DDHD1: variants seen among roughly 807,000 people sequenced by gnomAD.
DDHD1 encodes the protein DDHD domain containing 1, also known as phospholipase DDHD1.
Under a neutral mutation model 96.4 loss-of-function variants are expected in DDHD1, and 49 were observed. That is an observed-to-expected ratio of 0.51 (90% CI 0.40 to 0.64). The LOEUF is 0.64. DDHD1 is among the 30% of genes least tolerant of loss of function. The probability of loss-of-function intolerance (pLI) is 0.00; values close to 1 mark genes in which losing one functional copy is unlikely to be tolerated. For missense variants in DDHD1, 1,106 were observed against 1,161.2 expected, an observed-to-expected ratio of 0.95 and a Z score of 0.69; for synonymous variants, 442 against 446.5, an observed-to-expected ratio of 0.99 and a Z score of 0.13.
At chr14:53,062,442 A>G (rs1188661058) in intron 7 of DDHD1, among the ~76,000 whole-genome samples, 3 of 152,094 alleles carry the variant, frequency 2.0e-5, no homozygotes, top group African/African-American at 2.4e-5. Context: ...TAGTATCAGG[A>G]GGGCCACAAA....
In DDHD1 at chr14:53,152,892, C is replaced by T. The variant is rs765219718; in HGVS notation, c.207G>A (p.Pro69=). 6.2e-7 allele frequency: 1 copy of T among 1,609,016 alleles called. No individual in the cohort carries two copies. Among genetic ancestry groups the T allele is most frequent in the South Asian group, 1.1e-5 (1 of 90,610 alleles). ...GGTGGTGGTTGTGGTCGTCGGTGCC[C>T]GGCGCCAAATGCAGCCCGGGTTCCC... ...LRGEPGLHLA[P]GTDDHNHHLA... The change falls in exon 1 of 13, where the codon CCG becomes CCA. Residue 69 remains proline, a synonymous_variant. Transcript: ENST00000673822.
intron 2 of DDHD1, 104 bp downstream of exon 2, chr14:53,103,579 T>C (rs1277012499): frequency 5.1e-6 from 5 of 975,710 alleles, no homozygotes; most frequent in African/African-American, 5.1e-5. Flanking sequence ...AATTTTCTAA[T>C]TCTAAACCTC....
At chr14:53,133,909 G>A (rs1890050115) in intron 1 of DDHD1, among the ~76,000 whole-genome samples, 2 of 152,066 alleles carry the variant, frequency 1.3e-5, no homozygotes, top group Non-Finnish European at 1.5e-5. Context: ...GTCATCTATA[G>A]TACCCCAACT....
rs185351303 is a variant in DDHD1 at position 53,095,235 on chromosome 14, T to C, written c.1013-1791A>G. Among the ~76,000 whole-genome samples the C allele has an allele frequency of 1.1e-3, 165 of 152,304 alleles. 3 individuals are homozygous for C. In the East Asian group the frequency reaches 0.015, roughly 14 times the overall value. ...TCAAATCACTATGCTTGATTTATTT[T>C]CTTAAAATTCTTTCAAGGCAAAATA... On this transcript the variant is annotated intron_variant, in intron 2 of 12. Transcript: ENST00000673822.
chr14:53,133,538 T>C (rs569073721), intron 1 of DDHD1, among the ~76,000 whole-genome samples: 1 of 152,180 alleles, frequency 6.6e-6, no homozygotes, highest in South Asian at 2.1e-4. Flanking sequence ...GAACTAATGG[T>C]CTTTTAAAGA....
chr14:53,134,832 T>A (rs1308816594), intron 1 of DDHD1, among the ~76,000 whole-genome samples: 3 of 152,020 alleles, frequency 2.0e-5, no homozygotes, highest in Non-Finnish European at 2.9e-5. Flanking sequence ...TCAGACCTTG[T>A]ATCTTCCATT....
At chr14:53,115,691 A>G (rs1405232459) in intron 1 of DDHD1, among the ~76,000 whole-genome samples, 2 of 110,256 alleles carry the variant, frequency 1.8e-5, no homozygotes, top group African/African-American at 5.4e-5. Context: ...GGATTTTGTC[A>G]TCACCAAGCC....
At chr14:53,065,497 G>C (rs77753404) in intron 6 of DDHD1, among the ~76,000 whole-genome samples, 1 of 152,294 alleles carries the variant, frequency 6.6e-6, no homozygotes, top group Non-Finnish European at 1.5e-5. Context: ...AAGGGCCAAA[G>C]GCTCTCTGAT....
intron 1 of DDHD1, among the ~76,000 whole-genome samples, chr14:53,136,893 T>A (rs990672093): frequency 6.6e-6 from 1 of 152,136 alleles, no homozygotes; most frequent in Non-Finnish European, 1.5e-5. Flanking sequence ...ATAAAGCATA[T>A]GCCTAACAGG....
intron 1 of DDHD1, among the ~76,000 whole-genome samples, chr14:53,124,934 A>G (rs1889316705): frequency 6.6e-6 from 1 of 152,066 alleles, no homozygotes; most frequent in African/African-American, 2.4e-5. Context: ...GCAGATGGTC[A>G]TCTTCTTGCT....
intron 1 of DDHD1, among the ~76,000 whole-genome samples, chr14:53,132,229 T>C (rs1245387614): frequency 6.6e-6 from 1 of 152,142 alleles, no homozygotes; most frequent in Non-Finnish European, 1.5e-5. Context: ...TCAGGATTCT[T>C]ACACAAGAGC....
At position 53,067,524 on chromosome 14, in the gene DDHD1, C is replaced by T. The variant is rs1358746853; in HGVS notation, c.1504-4319G>A. Among the ~76,000 whole-genome samples the T allele has an allele frequency of 2.0e-5, 3 of 151,124 alleles. No individual in the cohort carries two copies. In the East Asian group the frequency reaches 5.8e-4, roughly 29 times the overall value. On this transcript the variant is annotated intron_variant, in intron 6 of 12. Coordinates refer to ENST00000673822, the MANE Select transcript of DDHD1 (RefSeq NM_001160148.2). Reference sequence around the variant, plus strand: ...CCAGGCTGCAGTGCAGTGGCGTGATCTCAACTCACTGCAAGCTCTGCCTCC... The same window carrying T: ...CCAGGCTGCAGTGCAGTGGCGTGATTTCAACTCACTGCAAGCTCTGCCTCC...
chr14:53,119,789 C>G (rs575234308), intron 1 of DDHD1, among the ~76,000 whole-genome samples: 1 of 152,162 alleles, frequency 6.6e-6, no homozygotes, highest in Admixed American at 6.5e-5. Flanking sequence ...AACTAGGTAT[C>G]AATAGAATAT....
intron 1 of DDHD1, among the ~76,000 whole-genome samples, chr14:53,126,428 A>T (rs1488249596): frequency 6.6e-6 from 1 of 152,146 alleles, no homozygotes; most frequent in Admixed American, 6.5e-5. Flanking sequence ...AGTGCAGTGG[A>T]GCAATCACGG....
chr14:53,103,653 G>A (rs1437775538), intron 2 of DDHD1, 30 bp downstream of exon 2: 16 of 1,541,628 alleles, frequency 1.0e-5, no homozygotes, highest in Non-Finnish European at 1.4e-5. Flanking sequence ...TTGGTTTGTA[G>A]AATATATTAA....
At chr14:53,095,080 T>C (rs1458197900) in intron 2 of DDHD1, among the ~76,000 whole-genome samples, 2 of 152,182 alleles carry the variant, frequency 1.3e-5, no homozygotes, top group African/African-American at 4.8e-5. Flanking sequence ...AGTGAAGAAA[T>C]TGATATAACA....
intron 1 of DDHD1, among the ~76,000 whole-genome samples, chr14:53,129,011 C>A (rs1041274465): frequency 6.6e-6 from 1 of 152,342 alleles, no homozygotes; most frequent in South Asian, 2.1e-4. Flanking sequence ...GTGAGATCCA[C>A]CCCTGGCCCA....
intron 1 of DDHD1, among the ~76,000 whole-genome samples, chr14:53,112,803 C>T (rs138713630): frequency 6.6e-4 from 100 of 152,240 alleles, no homozygotes; most frequent in Non-Finnish European, 1.4e-3. Context: ...CAATGGTAGA[C>T]GTTCTTCACA....
chr14:53,061,193 TC>T lies in DDHD1; in HGVS notation c.1774del (p.Glu592LysfsTer2). 4.3e-6 allele frequency: 7 copies of T among 1,610,646 alleles called. No homozygotes were observed. The highest frequency in any genetic ancestry group is 5.9e-6 in the Non-Finnish European group (7 of 1,179,156). On this transcript the variant is annotated frameshift_variant, in exon 8 of 13. Coordinates refer to ENST00000673822, the MANE Select transcript of DDHD1 (RefSeq NM_001160148.2). LOFTEE classifies it high-confidence loss of function. The part of the protein sequence containing the change: ...ELYITKRRLK[E>X]IEERLHGLKA... ...CAATCCGTGAAGCCGTTCTTCTATT[TC>T]CTTCAGCCTAAGAAGGGGTATGAGA...
Sources: gnomAD v4.1 joint callset for allele counts (sites outside exome capture counted in the v4.1 genomes callset) on GRCh38, gnomAD v4.1.1 for gene constraint, MANE v1.5 for transcripts, NCBI Gene and HGNC (gene_info 2026-07-23, HGNC 2026-07-21) for gene names.